AFF2: variants seen among roughly 807,000 people sequenced by gnomAD.
AFF2 encodes ALF transcription elongation factor 2, also known as AF4/FMR2 family member 2.
In AFF2, 14 loss-of-function variants were observed where a neutral mutation model predicts 76.9. The observed-to-expected ratio is 0.18, with a 90% confidence interval of 0.12 to 0.28. The LOEUF (loss-of-function observed/expected upper bound fraction) is 0.28, where lower values mean the gene tolerates loss of function less well. Ranked by LOEUF, AFF2 falls within the 10% of genes least tolerant of loss-of-function variation. The pLI is 1.00. For synonymous variants in AFF2, 398 were observed against 366.7 expected, an observed-to-expected ratio of 1.09 and a Z score of -0.98; for missense variants, 868 against 1,001.1, an observed-to-expected ratio of 0.87 and a Z score of 1.79.
intron 1 of AFF2, 99 bp downstream of exon 1, chrX:148,501,243 G>A: frequency 1.9e-6 from 2 of 1,068,862 alleles, no homozygotes; most frequent in Non-Finnish European, 2.6e-6. Context: ...GTCGTGGGGG[G>A]CGCCCCGGAC....
At chrX:148,900,660 G>A (rs1486555429) in intron 8 of AFF2, among the ~76,000 whole-genome samples, 1 of 111,415 alleles carries the variant, frequency 9.0e-6, no homozygotes, top group African/African-American at 3.3e-5. Context: ...TGTGGAAGGA[G>A]GGGCTACTAA....
chrX:148,868,526 C>T (rs2070935280), intron 7 of AFF2, among the ~76,000 whole-genome samples: 1 of 112,035 alleles, frequency 8.9e-6, no homozygotes, highest in South Asian at 3.7e-4. Flanking sequence ...GAGTAACTGA[C>T]AAGATGTGTG....
chrX:148,781,275 CTT>C (rs1195115664), intron 3 of AFF2, among the ~76,000 whole-genome samples: 2 of 112,425 alleles, frequency 1.8e-5, no homozygotes, highest in African/African-American at 6.5e-5. Context: ...CCACTGCTCT[CTT>C]CAGAGCCTGC....
chrX:148,890,083 T>C (rs1479628327), intron 8 of AFF2, among the ~76,000 whole-genome samples: 1 of 112,201 alleles, frequency 8.9e-6, no homozygotes, highest in Non-Finnish European at 1.9e-5. Context: ...TGCTGGGTTT[T>C]CTATCCTGTA....
At chrX:148,529,573 CGT>C (rs2052705307) in intron 1 of AFF2, among the ~76,000 whole-genome samples, 1 of 111,811 alleles carries the variant, frequency 8.9e-6, no homozygotes, top group African/African-American at 3.3e-5. Flanking sequence ...AAATTGGATG[CGT>C]GTTTGTCCAA....
chrX:148,836,840 G>A (rs1181099120), intron 4 of AFF2, among the ~76,000 whole-genome samples: 2 of 111,803 alleles, frequency 1.8e-5, no homozygotes, highest in Non-Finnish European at 3.8e-5. Flanking sequence ...CACAGGGTGG[G>A]AGCCTAAGGG....
chrX:148,501,281 T>C (rs2052345733), intron 1 of AFF2, 137 bp downstream of exon 1: 1 of 812,399 alleles, frequency 1.2e-6, no homozygotes, highest in Admixed American at 2.8e-5. Context: ...CAGCCACCTC[T>C]GGCCCCGGCC....
At chrX:148,557,027 G>T (rs967934678) in intron 1 of AFF2, among the ~76,000 whole-genome samples, 1 of 112,051 alleles carries the variant, frequency 8.9e-6, no homozygotes, top group Non-Finnish European at 1.9e-5. Flanking sequence ...AGGCTGATAA[G>T]GTTGAATATA....
intron 1 of AFF2, among the ~76,000 whole-genome samples, chrX:148,589,211 G>T (rs781874026): frequency 9.0e-6 from 1 of 110,848 alleles, no homozygotes; most frequent in Non-Finnish European, 1.9e-5. Flanking sequence ...ATTCTTGCAG[G>T]GTTAATTATG....
At chrX:148,788,471 T>C (rs1215479938) in intron 3 of AFF2, among the ~76,000 whole-genome samples, 2 of 112,066 alleles carry the variant, frequency 1.8e-5, no homozygotes, top group East Asian at 2.8e-4. Context: ...GCTATTTATA[T>C]TGGGGCCTAA....
At chrX:148,935,620 G>A (rs375828800) in intron 9 of AFF2, among the ~76,000 whole-genome samples, 1 of 111,612 alleles carries the variant, frequency 9.0e-6, no homozygotes, top group Non-Finnish European at 1.9e-5. Flanking sequence ...CCTTGGTTTC[G>A]TGTGAAATTG....
intron 1 of AFF2, among the ~76,000 whole-genome samples, chrX:148,592,799 C>T (rs1378709909): frequency 8.9e-6 from 1 of 111,850 alleles, no homozygotes; most frequent in Admixed American, 9.5e-5. Context: ...CAGCTAAGTG[C>T]CTCATCAGCA....
intron 16 of AFF2, among the ~76,000 whole-genome samples, chrX:148,976,979 G>A (rs2072333481): frequency 8.9e-6 from 1 of 112,357 alleles, no homozygotes; most frequent in Admixed American, 9.4e-5. Context: ...CTCAGGGGGT[G>A]AGCCTGGGCT....
intron 9 of AFF2, among the ~76,000 whole-genome samples, chrX:148,941,456 C>T (rs2071833290): frequency 1.8e-5 from 2 of 111,783 alleles, no homozygotes; most frequent in South Asian, 7.6e-4. Context: ...ATTAGAGTAA[C>T]TCACATCTTA....
intron 3 of AFF2, among the ~76,000 whole-genome samples, chrX:148,675,377 G>T (rs1257890448): frequency 9.0e-6 from 1 of 111,472 alleles, no homozygotes; most frequent in Non-Finnish European, 1.9e-5. Flanking sequence ...CTATGAATGG[G>T]ATCATGTCAC....
At chrX:148,761,857 TC>T (rs1417501957) in intron 3 of AFF2, among the ~76,000 whole-genome samples, 1 of 110,206 alleles carries the variant, frequency 9.1e-6, no homozygotes, top group Non-Finnish European at 1.9e-5. Context: ...CTACAATAGT[TC>T]CCTGCAAGTG....
intron 3 of AFF2, among the ~76,000 whole-genome samples, chrX:148,667,505 G>A (rs782029047): frequency 1.8e-5 from 2 of 111,974 alleles, no homozygotes; most frequent in East Asian, 2.8e-4. Flanking sequence ...TGATAAAGAC[G>A]TACCTGAGTC....
chrX:148,761,377 G>A (rs1557267246), intron 3 of AFF2, among the ~76,000 whole-genome samples: 1 of 110,378 alleles, frequency 9.1e-6, no homozygotes, highest in Non-Finnish European at 1.9e-5. Context: ...TTAGGCCTGT[G>A]GGTGTATATG....
chrX:148,926,052 A>G (rs1557283743), intron 9 of AFF2, among the ~76,000 whole-genome samples: 1 of 112,300 alleles, frequency 8.9e-6, no homozygotes, highest in African/African-American at 3.2e-5. Context: ...AATCCCTGGC[A>G]TATGGTAAGT....
Sources: allele counts gnomAD v4.1 joint callset (sites outside exome capture counted in the v4.1 genomes callset), GRCh38; gene constraint gnomAD v4.1.1; transcripts MANE v1.5; gene names NCBI Gene and HGNC (gene_info 2026-07-23, HGNC 2026-07-21).